The following TNFRSF19 variants were observed in gnomAD, a reference collection of about 807,000 sequenced individuals.
TNFRSF19 encodes the protein tumor necrosis factor receptor superfamily member 19.
A neutral mutation model predicts 46.4 loss-of-function variants in TNFRSF19; 27 were observed. That is an observed-to-expected ratio of 0.58 (90% CI 0.43 to 0.80). The LOEUF is 0.80. Ranked by LOEUF, TNFRSF19 falls within the 30% of genes least tolerant of loss-of-function variation. The pLI is 0.00. For missense variants in TNFRSF19, 511 were observed against 530.8 expected (o/e 0.96, Z 0.37); for synonymous variants, 204 against 205.0 (o/e 1.00, Z 0.04).
intron 3 of TNFRSF19, among the ~76,000 whole-genome samples, chr13:23,602,119 C>T (rs1398927938): frequency 6.6e-6 from 1 of 152,064 alleles, no homozygotes; most frequent in Non-Finnish European, 1.5e-5. Flanking sequence ...CTGTGGTCTA[C>T]AAGAACCCAC....
At chr13:23,628,495 C>A (rs1882151496) in intron 5 of TNFRSF19, among the ~76,000 whole-genome samples, 5 of 152,184 alleles carry the variant, frequency 3.3e-5, no homozygotes. Flanking sequence ...GCCCAGACTG[C>A]TGCACAGAGA....
At chr13:23,647,288 A>G (rs1883389798) in intron 5 of TNFRSF19, among the ~76,000 whole-genome samples, 1 of 152,218 alleles carries the variant, frequency 6.6e-6, no homozygotes, top group Non-Finnish European at 1.5e-5. Context: ...ATTTTTATAA[A>G]GTCCGATGTA....
At chr13:23,618,458 A>G (rs748033382) in intron 4 of TNFRSF19, among the ~76,000 whole-genome samples, 2 of 152,198 alleles carry the variant, frequency 1.3e-5, no homozygotes, top group Non-Finnish European at 2.9e-5. Context: ...CAACCCCACT[A>G]AGATAGCTAT....
intron 1 of TNFRSF19, among the ~76,000 whole-genome samples, chr13:23,583,589 A>G (rs914080163): frequency 2.0e-5 from 3 of 152,226 alleles, no homozygotes; most frequent in Non-Finnish European, 4.4e-5. Flanking sequence ...TACAGAAGAC[A>G]AAGGAACTTG....
chr13:23,676,063 T>G lies in TNFRSF19; in HGVS notation c.*2683T>G, dbSNP rs1277770403. The G allele has an allele frequency of 6.6e-6, 1 of 152,246 alleles. No homozygotes were observed. Among genetic ancestry groups the G allele is most frequent in the African/African-American group, 2.4e-5 (1 of 41,476 alleles). 9.4% of individuals were successfully genotyped at this position (152,246 alleles called of 1,614,324 possible). A position where few individuals can be genotyped will look rare whatever the true frequency, so the allele number is the denominator to read the frequency against. On this transcript the variant is annotated 3_prime_UTR_variant, in exon 10 of 10. Transcript: ENST00000248484. ...CTTAGTTTTGTAATACCTTTTTTAT[T>G]TGTGAATAAAATTATCACCTGGTAT...
At chr13:23,577,254 A>T (rs1566156923) in intron 1 of TNFRSF19, among the ~76,000 whole-genome samples, 1 of 152,266 alleles carries the variant, frequency 6.6e-6, no homozygotes, top group Non-Finnish European at 1.5e-5. Flanking sequence ...AACCGGGAAG[A>T]TCAGTCAAAA....
In TNFRSF19 at chr13:23,675,956, C is replaced by T. The variant is rs1951823991; in HGVS notation, c.*2576C>T. On this transcript the variant is annotated 3_prime_UTR_variant, in exon 10 of 10. Coordinates refer to ENST00000248484, the MANE Select transcript of TNFRSF19 (RefSeq NM_148957.4). ...GAAAAAGAAAGGAAAACCATCATTG[C>T]TTTATAGTAGCTTATATCAATTTAG... 1 of 152,098 alleles carries T rather than the reference C, an allele frequency of 6.6e-6. No individual in the cohort carries two copies. The highest frequency in any genetic ancestry group is 2.4e-5 in the African/African-American group (1 of 41,426). 9.4% of individuals were successfully genotyped at this position (152,098 alleles called of 1,614,324 possible). A position where few individuals can be genotyped will look rare whatever the true frequency, so the allele number is the denominator to read the frequency against.
intron 3 of TNFRSF19, among the ~76,000 whole-genome samples, chr13:23,596,463 A>G (rs539888988): frequency 6.6e-6 from 1 of 152,304 alleles, no homozygotes; most frequent in African/African-American, 2.4e-5. Flanking sequence ...CTCTGATAAA[A>G]GACTTTAAAG....
chr13:23,600,417 G>A (rs1339530677), intron 3 of TNFRSF19, among the ~76,000 whole-genome samples: 2 of 152,114 alleles, frequency 1.3e-5, no homozygotes, highest in South Asian at 2.1e-4. Context: ...AAAAGTCTGA[G>A]AGTTAAAACT....
intron 3 of TNFRSF19, among the ~76,000 whole-genome samples, chr13:23,602,483 G>T (rs1489410843): frequency 6.6e-6 from 1 of 152,104 alleles, no homozygotes; most frequent in Non-Finnish European, 1.5e-5. Context: ...TATGGACATA[G>T]TTGGACTCAA....
At chr13:23,591,279 C>T (rs1311816680) in intron 2 of TNFRSF19, among the ~76,000 whole-genome samples, 4 of 151,986 alleles carry the variant, frequency 2.6e-5, no homozygotes, top group Admixed American at 2.6e-4. Flanking sequence ...ATGGTGAGAC[C>T]TCATTGTTAC....
At chr13:23,640,008 A>C (rs1464383974) in intron 5 of TNFRSF19, among the ~76,000 whole-genome samples, 1 of 152,082 alleles carries the variant, frequency 6.6e-6, no homozygotes, top group Non-Finnish European at 1.5e-5. Context: ...AGGACCATCA[A>C]CTCACTTTAT....
intron 7 of TNFRSF19, among the ~76,000 whole-genome samples, chr13:23,663,127 C>T (rs1026250381): frequency 2.0e-5 from 3 of 152,154 alleles, no homozygotes; most frequent in African/African-American, 7.2e-5. Context: ...AGCTTTTCCC[C>T]AGTCAGTATG....
intron 5 of TNFRSF19, among the ~76,000 whole-genome samples, chr13:23,643,509 G>A (rs183325921): frequency 6.6e-6 from 1 of 152,308 alleles, no homozygotes. Flanking sequence ...ACTCTTGTAA[G>A]AACTTGAGAA....
chr13:23,668,642 G>C lies in TNFRSF19; in HGVS notation c.840-50G>C, dbSNP rs372302541. 190 of 1,549,450 alleles carry C rather than the reference G, an allele frequency of 1.2e-4. 2 individuals are homozygous for C. The highest frequency in any genetic ancestry group is 1.1e-4 in the Non-Finnish European group (129 of 1,151,856). On this transcript the variant is annotated intron_variant, in intron 8 of 9. Transcript: ENST00000248484. ...ACGGCTGACATGCTTCTTTGTAGTAGTGTTTTTCTCCCCATCAAAAACTTT... is the reference window on the plus strand; with the variant it reads ...ACGGCTGACATGCTTCTTTGTAGTACTGTTTTTCTCCCCATCAAAAACTTT...
intron 1 of TNFRSF19, among the ~76,000 whole-genome samples, chr13:23,575,285 A>G (rs1877881424): frequency 6.6e-6 from 1 of 152,214 alleles, no homozygotes; most frequent in Admixed American, 6.5e-5. Flanking sequence ...ACTTGTAACA[A>G]CTTTGCTCTG....
At chr13:23,669,309 G>A (rs1214845829) in intron 9 of TNFRSF19, 2 of 1,382,334 alleles carry the variant, frequency 1.4e-6, no homozygotes, top group East Asian at 2.7e-5. Context: ...GTGGACAGCT[G>A]CATTCTTTTA....
At chr13:23,626,463 C>T (rs183316999) in intron 4 of TNFRSF19, among the ~76,000 whole-genome samples, 2 of 152,040 alleles carry the variant, frequency 1.3e-5, no homozygotes, top group Admixed American at 1.3e-4. Context: ...CCCCCACCTG[C>T]ACCCCCACCC....
At chr13:23,642,103 A>G (rs1281466727) in intron 5 of TNFRSF19, among the ~76,000 whole-genome samples, 1 of 152,252 alleles carries the variant, frequency 6.6e-6, no homozygotes, top group Admixed American at 6.5e-5. Flanking sequence ...TATCTATAAC[A>G]GTGTCTATGT....
Sources: gnomAD v4.1 joint callset for allele counts (sites outside exome capture counted in the v4.1 genomes callset) on GRCh38, gnomAD v4.1.1 for gene constraint, MANE v1.5 for transcripts, NCBI Gene and HGNC (gene_info 2026-07-23, HGNC 2026-07-21) for gene names.